TDRD10: variants seen among roughly 807,000 people sequenced by gnomAD.
The protein encoded by TDRD10 is tudor domain containing 10.
A neutral mutation model predicts 48.0 loss-of-function variants in TDRD10; 40 were observed. The observed-to-expected ratio is 0.83, with a 90% CI of 0.65 to 1.09. The LOEUF (loss-of-function observed/expected upper bound fraction) is 1.09. Ranked by LOEUF, TDRD10 falls within the 50% of genes least tolerant of loss-of-function variation. The probability of loss-of-function intolerance (pLI) is 0.00; values close to 1 mark genes in which losing one functional copy is unlikely to be tolerated. For missense variants in TDRD10, 378 were observed against 434.7 expected (o/e 0.87, Z 1.16); for synonymous variants, 162 against 170.4 (o/e 0.95, Z 0.38).
At chr1:154,508,252 C>T (rs1405289537) in intron 3 of TDRD10, among the ~76,000 whole-genome samples, 171 bp from the exon 4 acceptor site, 3 of 152,146 alleles carry the variant, frequency 2.0e-5, no homozygotes, top group Admixed American at 1.3e-4. Flanking sequence ...CAGTGGCTCA[C>T]GCCTGTAATT....
chr1:154,541,451 G>C (rs1309313326), intron 6 of TDRD10, among the ~76,000 whole-genome samples: 2 of 152,126 alleles, frequency 1.3e-5, no homozygotes, highest in African/African-American at 2.4e-5. Context: ...AGGTGCGTGG[G>C]TGGTGGTGGT....
chr1:154,547,631 C>T lies in TDRD10; in HGVS notation c.1024-47C>T, dbSNP rs2149359618. On this transcript the variant is annotated intron_variant, in intron 12 of 12. Transcript: ENST00000368482. Reference sequence around the variant, plus strand: ...TTATCTGAGGGGTTGGGTGAACTGGCTCGGGTGGGCCTTCCTTCCCACCAA... The same window carrying T: ...TTATCTGAGGGGTTGGGTGAACTGGTTCGGGTGGGCCTTCCTTCCCACCAA... The T allele has an allele frequency of 3.7e-6, 6 of 1,614,176 alleles. No homozygotes were observed. The East Asian group carries it at 1.3e-4, about 36-fold the overall frequency.
rs1649611594 is a variant in TDRD10, at chr1:154,541,987, A to G, written c.370-37A>G. The stretch of plus-strand genomic sequence containing the variant: ...CATAGAAATCAATAAAACAAATGCC[A>G]CCATGGCTGAGTGAGACCTTTCATT... On this transcript the variant is annotated intron_variant, in intron 6 of 12. Transcript: ENST00000368482. The G allele has an allele frequency of 5.6e-6, 9 of 1,610,934 alleles. No individual in the cohort carries two copies. The East Asian group carries it at 8.9e-5, about 16-fold the overall frequency.
chr1:154,507,100 G>A (rs762623633), intron 2 of TDRD10, 141 bp from the exon 3 acceptor site: 24 of 1,526,100 alleles, frequency 1.6e-5, no homozygotes, highest in Non-Finnish European at 2.1e-5. Flanking sequence ...CTTGGAACCT[G>A]ATTCTGGGAG....
chr1:154,547,381 G>A (rs1410376113), intron 11 of TDRD10, 28 bp from the exon 12 acceptor site: 3 of 1,613,920 alleles, frequency 1.9e-6, no homozygotes, highest in Non-Finnish European at 2.5e-6. Flanking sequence ...GTGCCACTGA[G>A]GTTTTGTTGT....
chr1:154,531,115 A>G (rs1447471543), intron 6 of TDRD10, among the ~76,000 whole-genome samples: 1 of 152,182 alleles, frequency 6.6e-6, no homozygotes, highest in Non-Finnish European at 1.5e-5. Flanking sequence ...TGCTAGGATT[A>G]CAGGTGTGAG....
chr1:154,519,315 T>C (rs1255466700), intron 4 of TDRD10, among the ~76,000 whole-genome samples: 1 of 152,258 alleles, frequency 6.6e-6, no homozygotes, highest in Non-Finnish European at 1.5e-5. Flanking sequence ...AAAAATGAGT[T>C]ATACATAATG....
intron 6 of TDRD10, among the ~76,000 whole-genome samples, chr1:154,531,948 A>G (rs1001188670): frequency 3.3e-5 from 5 of 152,162 alleles, no homozygotes; most frequent in Non-Finnish European, 5.9e-5. Context: ...CAGAGCGCTG[A>G]TTGGTGTATT....
At chr1:154,504,704 A>G (rs1363595678) in intron 1 of TDRD10, among the ~76,000 whole-genome samples, 1 of 152,226 alleles carries the variant, frequency 6.6e-6, no homozygotes, top group Non-Finnish European at 1.5e-5. Context: ...TCCTTTGCTC[A>G]CTTTTTAATT....
At chr1:154,506,382 T>C (rs939988524) in intron 1 of TDRD10, among the ~76,000 whole-genome samples, 5 of 149,950 alleles carry the variant, frequency 3.3e-5, no homozygotes, top group Non-Finnish European at 5.9e-5. Flanking sequence ...GTCTCTCTCT[T>C]TTTTTTTTTT....
chr1:154,521,287 G>A, intron 5 of TDRD10, 36 bp from the exon 6 acceptor site: 1 of 1,609,114 alleles, frequency 6.2e-7, no homozygotes, highest in East Asian at 2.2e-5. Context: ...CTCTGGAGAT[G>A]TGCTCAAAGC....
chr1:154,538,724 G>A (rs1695056939), intron 6 of TDRD10, among the ~76,000 whole-genome samples: 1 of 151,462 alleles, frequency 6.6e-6, no homozygotes, highest in Admixed American at 6.6e-5. Flanking sequence ...ATAGTGGTGG[G>A]CACCTGTAGT....
At chr1:154,516,547 G>C (rs1037029016) in intron 4 of TDRD10, among the ~76,000 whole-genome samples, 3 of 152,130 alleles carry the variant, frequency 2.0e-5, no homozygotes, top group South Asian at 2.1e-4. Context: ...CTGGGAGACT[G>C]GGGGGCTGAT....
chr1:154,546,862 G>A (rs1246979754), intron 11 of TDRD10, among the ~76,000 whole-genome samples: 1 of 152,142 alleles, frequency 6.6e-6, no homozygotes, highest in Non-Finnish European at 1.5e-5. Context: ...GGCATAGCTG[G>A]GGATGAAACC....
intron 4 of TDRD10, among the ~76,000 whole-genome samples, chr1:154,511,371 T>C (rs1322010597): frequency 6.6e-6 from 1 of 151,650 alleles, no homozygotes; most frequent in East Asian, 1.9e-4. Flanking sequence ...TGGTGGCTCA[T>C]GCCTGTAATC....
intron 6 of TDRD10, among the ~76,000 whole-genome samples, chr1:154,528,087 A>T (rs1158106369): frequency 6.6e-6 from 1 of 151,930 alleles, no homozygotes; most frequent in Non-Finnish European, 1.5e-5. Context: ...TTACTTGAAC[A>T]TTTTTTAGAA....
intron 1 of TDRD10, among the ~76,000 whole-genome samples, 175 bp from the exon 2 acceptor site, chr1:154,506,702 A>C (rs1035953891): frequency 2.0e-5 from 3 of 152,162 alleles, no homozygotes; most frequent in African/African-American, 7.2e-5. Flanking sequence ...GGGCAACCTT[A>C]ACTCCATCTG....
At chr1:154,526,902 T>C (rs12743348) in intron 6 of TDRD10, among the ~76,000 whole-genome samples, 10 of 122,022 alleles carry the variant, frequency 8.2e-5, no homozygotes, top group African/African-American at 2.4e-4. Flanking sequence ...ATTTTTTTTT[T>C]ATTTTTTTAT....
chr1:154,518,868 GT>G (rs1172607101), intron 4 of TDRD10, among the ~76,000 whole-genome samples: 1 of 152,130 alleles, frequency 6.6e-6, no homozygotes, highest in Non-Finnish European at 1.5e-5. Context: ...TTGGCCCAAG[GT>G]TATGGTTTAC....
Sources: gnomAD v4.1 joint callset for allele counts (sites outside exome capture counted in the v4.1 genomes callset) on GRCh38, gnomAD v4.1.1 for gene constraint, MANE v1.5 for transcripts, NCBI Gene and HGNC (gene_info 2026-07-23, HGNC 2026-07-21) for gene names.